RGS7: variants seen among roughly 807,000 people sequenced by gnomAD.
RGS7 encodes regulator of G protein signaling 7.
A neutral mutation model predicts 81.1 loss-of-function variants in RGS7; 27 were observed. The ratio of observed to expected loss-of-function variants is 0.33; its 90% CI spans 0.25 to 0.46. The LOEUF (loss-of-function observed/expected upper bound fraction) is 0.46. Among genes scored for constraint, RGS7 ranks in the 20% least tolerant of loss-of-function variants. RGS7 has a pLI of 1.00. For missense variants in RGS7, 396 were observed against 607.4 expected (o/e 0.65, Z 3.66); for synonymous variants, 208 against 207.7 (o/e 1.00, Z -0.01).
At chr1:240,990,111 C>A (rs1234951669) in intron 3 of RGS7, among the ~76,000 whole-genome samples, 2 of 152,124 alleles carry the variant, frequency 1.3e-5, no homozygotes, top group Admixed American at 1.3e-4. Context: ...CAGGGAGGTG[C>A]CCATTCCTGT....
At chr1:240,918,845 G>GA (rs764625018) in intron 6 of RGS7, among the ~76,000 whole-genome samples, 2,296 of 144,778 alleles carry the variant, frequency 0.016, 53 homozygotes, top group African/African-American at 0.055. Flanking sequence ...GGCTAATTAA[G>GA]AAAAAAAAAA....
At chr1:241,076,752 A>G (rs537109055) in intron 3 of RGS7, among the ~76,000 whole-genome samples, 42 of 152,328 alleles carry the variant, frequency 2.8e-4, no homozygotes, top group African/African-American at 9.6e-4. Context: ...TTACATTCTG[A>G]TAATTCTTTG....
chr1:240,883,707 G>A (rs1666827518), intron 6 of RGS7, among the ~76,000 whole-genome samples: 2 of 152,164 alleles, frequency 1.3e-5, no homozygotes, highest in South Asian at 4.1e-4. Context: ...CTCTCATACT[G>A]TAAACAAACA....
intron 2 of RGS7, among the ~76,000 whole-genome samples, chr1:241,185,745 C>A (rs2072037299): frequency 6.6e-6 from 1 of 151,584 alleles, no homozygotes; most frequent in Non-Finnish European, 1.5e-5. Flanking sequence ...AACCATAAGC[C>A]AAAGAAGAAG....
In RGS7 at chr1:241,166,732, G is replaced by C. The variant is rs575267546; in HGVS notation, c.79-67970C>G. Among the ~76,000 whole-genome samples the C allele has an allele frequency of 3.3e-5, 5 of 152,272 alleles. No homozygotes were observed. The South Asian group carries it at 1.0e-3, about 32-fold the overall frequency. On this transcript the variant is annotated intron_variant, in intron 2 of 18. Transcript: ENST00000440928. Reference sequence around the variant, plus strand: ...GAGAACCCTGGGCCCCAAAGCTTATGCTGACTATGCAGTGCCAAAAGCAGC... The same window carrying C: ...GAGAACCCTGGGCCCCAAAGCTTATCCTGACTATGCAGTGCCAAAAGCAGC...
chr1:241,016,695 T>C (rs2059261041), intron 3 of RGS7, among the ~76,000 whole-genome samples: 1 of 152,210 alleles, frequency 6.6e-6, no homozygotes, highest in Admixed American at 6.5e-5. Context: ...GTAATACTTC[T>C]GTCATGTAGC....
At chr1:240,836,863 G>A (rs1473543707) in intron 9 of RGS7, among the ~76,000 whole-genome samples, 1 of 152,174 alleles carries the variant, frequency 6.6e-6, no homozygotes, top group Admixed American at 6.5e-5. Flanking sequence ...ATTACTCAGA[G>A]TCTCTGCTAC....
intron 2 of RGS7, among the ~76,000 whole-genome samples, chr1:241,332,466 G>A (rs2082025435): frequency 6.6e-6 from 1 of 152,114 alleles, no homozygotes; most frequent in African/African-American, 2.4e-5. Flanking sequence ...CGTTTGAGGT[G>A]TCCAACCAAG....
At chr1:240,925,977 T>C (rs181751594) in intron 6 of RGS7, among the ~76,000 whole-genome samples, 22 of 152,296 alleles carry the variant, frequency 1.4e-4, no homozygotes, top group African/African-American at 5.3e-4. Flanking sequence ...CGGGATTGTT[T>C]CTTGCTTGTT....
chr1:241,004,150 T>G (rs2058567466), intron 3 of RGS7, among the ~76,000 whole-genome samples: 1 of 152,218 alleles, frequency 6.6e-6, no homozygotes, highest in African/African-American at 2.4e-5. Context: ...AGGAGAAAGT[T>G]AAATCATTCT....
intron 18 of RGS7, among the ~76,000 whole-genome samples, chr1:240,777,442 A>G (rs1683165279): frequency 6.6e-6 from 1 of 152,218 alleles, no homozygotes; most frequent in African/African-American, 2.4e-5. Flanking sequence ...AAAAATTGGA[A>G]ACATATATTT....
chr1:240,952,160 T>C (rs1457171252), intron 4 of RGS7, among the ~76,000 whole-genome samples: 3 of 151,892 alleles, frequency 2.0e-5, no homozygotes, highest in South Asian at 2.1e-4. Flanking sequence ...GAACAAATAA[T>C]AATATAGACC....
intron 12 of RGS7, among the ~76,000 whole-genome samples, chr1:240,814,248 G>A (rs1690397254): frequency 6.6e-6 from 1 of 152,192 alleles, no homozygotes. Context: ...TGAAGAATAT[G>A]AATGGCATTA....
chr1:241,270,565 T>C (rs2077824116), intron 2 of RGS7, among the ~76,000 whole-genome samples: 1 of 152,214 alleles, frequency 6.6e-6, no homozygotes, highest in Non-Finnish European at 1.5e-5. Flanking sequence ...TCCATCCTGA[T>C]GTCCTTGGAA....
At chr1:241,053,924 G>A (rs1361844534) in intron 3 of RGS7, among the ~76,000 whole-genome samples, 1 of 152,158 alleles carries the variant, frequency 6.6e-6, no homozygotes, top group Non-Finnish European at 1.5e-5. Context: ...GGCCTCCTCA[G>A]CCATGTGGAA....
chr1:241,311,247 G>C (rs779435487), intron 2 of RGS7, among the ~76,000 whole-genome samples: 1 of 152,026 alleles, frequency 6.6e-6, no homozygotes, highest in East Asian at 1.9e-4. Context: ...ACAGAAAATT[G>C]AGCAATAAAA....
At chr1:240,838,992 C>G (rs962169807) in intron 9 of RGS7, among the ~76,000 whole-genome samples, 1 of 152,154 alleles carries the variant, frequency 6.6e-6, no homozygotes, top group East Asian at 1.9e-4. Context: ...GTCTCCATCT[C>G]CTGACCTCGT....
chr1:241,161,644 G>A (rs2069682371), intron 2 of RGS7, among the ~76,000 whole-genome samples: 1 of 150,232 alleles, frequency 6.7e-6, no homozygotes, highest in African/African-American at 2.4e-5. Flanking sequence ...ATAAGTGCCA[G>A]GAAATTTGCT....
rs551533797 is a variant in RGS7 at position 241,179,241 on chromosome 1, T to C, written c.79-80479A>G. Among the ~76,000 whole-genome samples, 197 of 152,254 alleles carry C rather than the reference T, an allele frequency of 1.3e-3. 3 individuals carry two copies. Among genetic ancestry groups the C allele is most frequent in the African/African-American group, 4.5e-3 (186 of 41,542 alleles). On this transcript the variant is annotated intron_variant, in intron 2 of 18. Transcript: ENST00000440928. ...TTCCAAGTAACTGGGATTACAGGCA[T>C]GCACCACCATGCCCAGCTAATTTTT...
Sources: allele counts gnomAD v4.1 joint callset (sites outside exome capture counted in the v4.1 genomes callset), GRCh38; gene constraint gnomAD v4.1.1; transcripts MANE v1.5; gene names NCBI Gene and HGNC (gene_info 2026-07-23, HGNC 2026-07-21).